The following FOXP2 variants were observed in gnomAD, a reference collection of about 807,000 sequenced individuals.
The protein encoded by FOXP2 is forkhead box P2.
In FOXP2, 12 loss-of-function variants were observed where a neutral mutation model predicts 115.8. That is an observed-to-expected ratio of 0.10 (90% CI 0.07 to 0.17). The LOEUF is 0.17. Among genes scored for constraint, FOXP2 ranks in the 10% least tolerant of loss-of-function variants. The pLI, the probability that FOXP2 is intolerant of heterozygous loss-of-function variation, is 1.00. For missense variants in FOXP2, 629 were observed against 843.5 expected (o/e 0.75, Z 3.15); for synonymous variants, 328 against 297.7 (o/e 1.10, Z -1.05).
At chr7:114,309,496 G>T (rs373236854) in intron 2 of FOXP2, among the ~76,000 whole-genome samples, 13 of 152,282 alleles carry the variant, frequency 8.5e-5, no homozygotes, top group Admixed American at 6.5e-4. Context: ...CTGGTATGAT[G>T]ATGGATAGAG....
rs557650656 is a variant in FOXP2, at chr7:114,395,717, T to C, written c.-10-30785T>C. The stretch of plus-strand genomic sequence containing the variant: ...GGATTAAAAATTTCTGTGAAAATCA[T>C]ATAGTATTTGTCTTTCTGTGTCTGG... On this transcript the variant is annotated intron_variant, in intron 2 of 17. Transcript: ENST00000634411. Among the ~76,000 whole-genome samples, 12 of 152,234 alleles carry C rather than the reference T, an allele frequency of 7.9e-5. No homozygotes were observed. The East Asian group carries it at 2.3e-3, about 29-fold the overall frequency.
intron 3 of FOXP2, among the ~76,000 whole-genome samples, chr7:114,613,603 A>T (rs967148496): frequency 2.6e-5 from 4 of 151,326 alleles, no homozygotes; most frequent in African/African-American, 9.7e-5. Flanking sequence ...TGAACCCGGG[A>T]GGCAGAGGTT....
At chr7:114,443,507 C>G (rs182621777) in intron 2 of FOXP2, among the ~76,000 whole-genome samples, 1 of 152,044 alleles carries the variant, frequency 6.6e-6, no homozygotes, top group Non-Finnish European at 1.5e-5. Flanking sequence ...TTTTAGTGTA[C>G]CGATTATTTC....
chr7:114,218,960 A>G (rs1383588413), intron 1 of FOXP2, among the ~76,000 whole-genome samples: 1 of 152,166 alleles, frequency 6.6e-6, no homozygotes, highest in Non-Finnish European at 1.5e-5. Context: ...TTACTGCCTA[A>G]TGGAGGACCC....
rs557322100 is a variant in FOXP2 at position 114,265,479 on chromosome 7, G to A, written c.-101-22540G>A. The stretch of plus-strand genomic sequence containing the variant: ...TGACATTGTAGGGGTCAGCCCTTGC[G>A]CTTGCTCTCACAGGTTTTTGAGTGC... On this transcript the variant is annotated intron_variant, in intron 1 of 17. Transcript: ENST00000634411. 6.6e-5 allele frequency among the ~76,000 whole-genome samples: 10 copies of A among 152,288 alleles called. No individual in the cohort carries two copies. The East Asian group carries it at 1.7e-3, about 26-fold the overall frequency.
intron 1 of FOXP2, among the ~76,000 whole-genome samples, chr7:114,176,750 GA>G (rs1793326151): frequency 6.8e-6 from 1 of 147,792 alleles, no homozygotes; most frequent in Non-Finnish European, 1.5e-5. Flanking sequence ...ACATCTTGAA[GA>G]ATTTCACAGA....
At chr7:114,250,495 G>C (rs538414280) in intron 1 of FOXP2, among the ~76,000 whole-genome samples, 6 of 152,134 alleles carry the variant, frequency 3.9e-5, no homozygotes, top group Non-Finnish European at 7.4e-5. Flanking sequence ...ATTCTAACTC[G>C]TGTGAGATGG....
At chr7:114,232,825 A>AG (rs1250443974) in intron 1 of FOXP2, among the ~76,000 whole-genome samples, 1 of 152,116 alleles carries the variant, frequency 6.6e-6, no homozygotes, top group African/African-American at 2.4e-5. Context: ...AAAAAAAAAA[A>AG]AAATTGTTCA....
chr7:114,628,870 A>G (rs1033758624), intron 4 of FOXP2, 193 bp downstream of exon 4: 1 of 643,020 alleles, frequency 1.6e-6, no homozygotes, highest in South Asian at 2.0e-5. Context: ...TTTTAAAAAA[A>G]TTATTAAAGT....
intron 10 of FOXP2, among the ~76,000 whole-genome samples, chr7:114,654,297 G>A (rs1204441550): frequency 6.6e-6 from 1 of 152,114 alleles, no homozygotes; most frequent in Non-Finnish European, 1.5e-5. Flanking sequence ...TTCTGTGATA[G>A]GTTTACAGAT....
intron 2 of FOXP2, among the ~76,000 whole-genome samples, chr7:114,396,151 C>A (rs1792732188): frequency 6.6e-6 from 1 of 151,726 alleles, no homozygotes; most frequent in African/African-American, 2.4e-5. Flanking sequence ...ATCTCATCTT[C>A]CCCCACAACC....
intron 1 of FOXP2, among the ~76,000 whole-genome samples, chr7:114,164,537 G>C (rs1037745825): frequency 6.6e-6 from 1 of 151,540 alleles, no homozygotes; most frequent in African/African-American, 2.4e-5. Context: ...GTAGAGATGG[G>C]GTTTCACCAT....
intron 1 of FOXP2, among the ~76,000 whole-genome samples, chr7:114,185,050 C>A (rs985555373): frequency 6.6e-6 from 1 of 152,104 alleles, no homozygotes; most frequent in Admixed American, 6.6e-5. Context: ...CTTAAACTTA[C>A]CTAGATTTAA....
At chr7:114,482,279 C>G (rs1176704637) in intron 2 of FOXP2, among the ~76,000 whole-genome samples, 1 of 151,440 alleles carries the variant, frequency 6.6e-6, no homozygotes, top group Admixed American at 6.6e-5. Context: ...TTAACATCCT[C>G]TCAGTGTTAT....
intron 2 of FOXP2, among the ~76,000 whole-genome samples, chr7:114,494,781 A>T (rs1184168356): frequency 6.6e-6 from 1 of 152,162 alleles, no homozygotes; most frequent in African/African-American, 2.4e-5. Context: ...TGAAATTTAT[A>T]TGAAAAAAAC....
Position 114,350,997 on chromosome 7 carries a change from T to A in FOXP2, c.-11+62888T>A, listed in dbSNP as rs536563232. Among the ~76,000 whole-genome samples, 39 of 152,278 alleles carry A rather than the reference T, an allele frequency of 2.6e-4. 1 individual carries two copies. The South Asian group carries it at 8.1e-3, about 32-fold the overall frequency. ...AGTGCCTAATACAATGTAAATGCAA[T>A]GTAAAAGTTGTTACACTGTATTGTT... On this transcript the variant is annotated intron_variant, in intron 2 of 17. Coordinates refer to the FOXP2 transcript ENST00000634411.
intron 1 of FOXP2, among the ~76,000 whole-genome samples, chr7:114,279,441 A>G (rs1796273051): frequency 6.6e-6 from 1 of 152,118 alleles, no homozygotes. Flanking sequence ...GCAACTCCCA[A>G]TATCCTATTT....
intron 1 of FOXP2, among the ~76,000 whole-genome samples, chr7:114,137,021 CT>C (rs1339558366): frequency 6.6e-6 from 1 of 151,916 alleles, no homozygotes; most frequent in African/African-American, 2.4e-5. Context: ...TAAAATATTT[CT>C]TGAAAAACTT....
chr7:114,459,198 A>G (rs563457352), intron 2 of FOXP2, among the ~76,000 whole-genome samples: 4 of 152,156 alleles, frequency 2.6e-5, no homozygotes, highest in East Asian at 3.9e-4. Flanking sequence ...GCGACTTTCT[A>G]TTGTTCCTGG....
Sources: gnomAD v4.1 joint callset for allele counts (sites outside exome capture counted in the v4.1 genomes callset) on GRCh38, gnomAD v4.1.1 for gene constraint, MANE v1.5 for transcripts, NCBI Gene and HGNC (gene_info 2026-07-23, HGNC 2026-07-21) for gene names.